The following SLC26A11 variants were observed in gnomAD, a reference collection of about 807,000 sequenced individuals.
SLC26A11 encodes the protein sodium-independent sulfate anion transporter.
SLC26A11 carries 58 observed loss-of-function variants against 62.2 expected under a neutral mutation model. The ratio of observed to expected loss-of-function variants is 0.93; its 90% CI spans 0.76 to 1.16. The LOEUF (loss-of-function observed/expected upper bound fraction) is 1.16, where lower values mean the gene tolerates loss of function less well. Among genes scored for constraint, SLC26A11 ranks in the 50% most tolerant of loss-of-function variants. SLC26A11 has a pLI of 0.00. For missense variants in SLC26A11, 790 were observed against 794.3 expected (o/e 0.99, Z 0.06); for synonymous variants, 411 against 368.9 (o/e 1.11, Z -1.31).
chr17:80,227,760 G>C, intron 6 of SLC26A11, 58 bp from the exon 7 acceptor site: 2 of 1,574,102 alleles, frequency 1.3e-6, no homozygotes, highest in Non-Finnish European at 1.7e-6. Context: ...CAGGATGCTT[G>C]AGTCAGCAGT....
chr17:80,238,678 A>G (rs1442097944), intron 9 of SLC26A11, among the ~76,000 whole-genome samples: 1 of 152,106 alleles, frequency 6.6e-6, no homozygotes, highest in Admixed American at 6.6e-5. Context: ...GTTGATTCTA[A>G]AGGTTACAGC....
chr17:80,245,822 A>G, intron 11 of SLC26A11, among the ~76,000 whole-genome samples: 1 of 152,186 alleles, frequency 6.6e-6, no homozygotes, highest in East Asian at 1.9e-4. Flanking sequence ...GGAGAGAAGG[A>G]GGCGTCACCT....
rs755589113 is a variant in SLC26A11 at position 80,241,840 on chromosome 17, G to A, written c.1036+19G>A. ...GCCATCGGTAAGACCCCAGCCGCGGGAAGGAAGACACCAGCTGTGGGCCTC... is the reference window on the plus strand; with the variant it reads ...GCCATCGGTAAGACCCCAGCCGCGGAAAGGAAGACACCAGCTGTGGGCCTC... On this transcript the variant is annotated intron_variant, in intron 10 of 17. Coordinates refer to ENST00000361193, the MANE Select transcript of SLC26A11 (RefSeq NM_001166347.2). The A allele has an allele frequency of 1.9e-6, 3 of 1,614,140 alleles. No homozygotes were observed. Among genetic ancestry groups the A allele is most frequent in the Non-Finnish European group, 2.5e-6 (3 of 1,180,002 alleles).
At position 80,248,152 on chromosome 17, in the gene SLC26A11, C is replaced by T. The variant is rs149066274; in HGVS notation, c.1317C>T (p.Cys439=). Residue 439 remains cysteine (C), a synonymous_variant, in exon 14 of 18, where the codon TGC becomes TGT. Transcript: ENST00000361193. ...TAGGGCTGGACCTGCTGCCCCTGTG[C>T]GTGACCTTCCTGCTGTGCTTCTGGG... The part of the protein sequence containing the change: ...RVKRLDLLPL[C]VTFLLCFWEV... 46 of 1,605,112 alleles carry T rather than the reference C, an allele frequency of 2.9e-5. No homozygotes were observed. The highest frequency in any genetic ancestry group is 6.7e-5 in the African/African-American group (5 of 74,922).
At chr17:80,225,694 C>G in intron 5 of SLC26A11, 143 bp from the exon 6 acceptor site, 1 of 729,666 alleles carries the variant, frequency 1.4e-6, no homozygotes, top group Non-Finnish European at 2.4e-6. Context: ...CCCCTGAGCC[C>G]CTAAGATGGG....
In SLC26A11 at chr17:80,246,383, G is replaced by A. The variant is rs1227946693; in HGVS notation, c.1154-126G>A. 13 of 1,440,890 alleles carry A rather than the reference G, an allele frequency of 9.0e-6. No individual in the cohort carries two copies. The highest frequency in any genetic ancestry group is 3.9e-5 in the South Asian group (3 of 77,034). 89.3% of individuals were successfully genotyped at this position (1,440,890 alleles called of 1,614,324 possible). A position where few individuals can be genotyped will look rare whatever the true frequency, so the allele number is the denominator to read the frequency against. The stretch of plus-strand genomic sequence containing the variant: ...ACAGGAGACTGAGCAGGGGCTGGGG[G>A]CCTTGGCAGTCGTCGCCCTACCCCC... On this transcript the variant is annotated intron_variant, in intron 12 of 17. Coordinates refer to ENST00000361193, the MANE Select transcript of SLC26A11 (RefSeq NM_001166347.2). The surrounding 1 kb of genome is among the most constrained non-coding windows in gnomAD (Gnocchi z 4.4).
intron 5 of SLC26A11, among the ~76,000 whole-genome samples, chr17:80,224,903 C>T (rs932754699): frequency 2.0e-5 from 3 of 152,048 alleles, no homozygotes; most frequent in Admixed American, 6.5e-5. Context: ...CCTACCCCAA[C>T]AGTCCCAGAG....
At chr17:80,235,331 A>G (rs1394951495) in intron 7 of SLC26A11, among the ~76,000 whole-genome samples, 1 of 151,786 alleles carries the variant, frequency 6.6e-6, no homozygotes, top group African/African-American at 2.4e-5. Flanking sequence ...ATCTTTAACT[A>G]TGTTACTTTT....
rs1327515210 is a variant in SLC26A11 at position 80,248,643 on chromosome 17, G to A, written c.1491G>A (p.Leu497=). ...SGLSFPAMEA[L]REEILSRALE... ...TGTCCTTCCCTGCCATGGAGGCTCT[G>A]CGGGAGGAGATCCTAAGCCGGGCCC... Residue 497 remains leucine, a synonymous_variant, in exon 15 of 18, where the codon CTG becomes CTA. Coordinates refer to ENST00000361193, the MANE Select transcript of SLC26A11 (RefSeq NM_001166347.2). 4 of 1,582,524 alleles carry A rather than the reference G, an allele frequency of 2.5e-6. No individual in the cohort carries two copies. The highest frequency in any genetic ancestry group is 2.6e-6 in the Non-Finnish European group (3 of 1,164,330).
chr17:80,230,459 GA>G (rs1306079581), intron 7 of SLC26A11, among the ~76,000 whole-genome samples: 1 of 152,116 alleles, frequency 6.6e-6, no homozygotes, highest in Non-Finnish European at 1.5e-5. Flanking sequence ...AGCCTTTATC[GA>G]GATTTTCTTG....
chr17:80,223,334 C>T lies in SLC26A11; in HGVS notation c.510C>T (p.Ile170=). The T allele has an allele frequency of 6.2e-7, 1 of 1,613,912 alleles. No individual in the cohort carries two copies. Among genetic ancestry groups the T allele is most frequent in the Non-Finnish European group, 8.5e-7 (1 of 1,179,980 alleles). Reference sequence around the variant, plus strand: ...CCGTCACCATCGGCTTTGGACAGATCAAGGTAGGCACGGCGCCCACCCAGG... The same window carrying T: ...CCGTCACCATCGGCTTTGGACAGATTAAGGTAGGCACGGCGCCCACCCAGG... ...AAAVTIGFGQ[I]KNLLGLQNIP... is the part of the protein sequence containing the mutation. Residue 170 remains isoleucine, a synonymous_variant, in exon 5 of 18, where the codon ATC becomes ATT. Coordinates refer to ENST00000361193, the MANE Select transcript of SLC26A11 (RefSeq NM_001166347.2). The surrounding 1 kb of genome is among the most constrained non-coding windows in gnomAD (Gnocchi z 4.6).
chr17:80,248,179 G>A lies in SLC26A11; in HGVS notation c.1344G>A (p.Glu448=), dbSNP rs752202065. The change falls in exon 14 of 18, where the codon GAG becomes GAA. Residue 448 remains glutamate (E), a synonymous_variant. Transcript: ENST00000361193. ...LCVTFLLCFW[E]VQYGILAGAL... The stretch of plus-strand genomic sequence containing the variant: ...TGACCTTCCTGCTGTGCTTCTGGGA[G>A]GTGCAGTACGGCATCCTGGCCGGGG... 2.0e-5 allele frequency: 32 copies of A among 1,608,164 alleles called. No individual in the cohort carries two copies. Among genetic ancestry groups the A allele is most frequent in the Non-Finnish European group, 2.6e-5 (31 of 1,179,848 alleles).
chr17:80,233,730 C>T (rs1040770201), intron 7 of SLC26A11, among the ~76,000 whole-genome samples: 10 of 152,036 alleles, frequency 6.6e-5, no homozygotes, highest in South Asian at 2.1e-4. Flanking sequence ...TGCATCACCA[C>T]GCCTGGATAA....
In SLC26A11 at chr17:80,246,480, G is replaced by C; in HGVS notation, c.1154-29G>C. On this transcript the variant is annotated intron_variant, in intron 12 of 17. Transcript: ENST00000361193. The surrounding 1 kb of genome is among the most constrained non-coding windows in gnomAD (Gnocchi z 4.4). ...CGTGCTGGGGGGACCCTGCACTCCC[G>C]AGGTCACCTGTGTTCCCGTGCCCCG... The C allele has an allele frequency of 6.2e-7, 1 of 1,605,558 alleles. No individual in the cohort carries two copies.
At position 80,227,802 on chromosome 17, in the gene SLC26A11, C is replaced by T. The variant is rs375082005; in HGVS notation, c.594-16C>T. On this transcript the variant is annotated splice_polypyrimidine_tract_variant and intron_variant, in intron 6 of 17. Transcript: ENST00000361193. ...GGGCCGAGCTGGGTGGTGACCAGTC[C>T]TCTGCCTGTCCACAGGGTAGGTGAC... 3.7e-6 allele frequency: 6 copies of T among 1,603,306 alleles called. No homozygotes were observed. Among genetic ancestry groups the T allele is most frequent in the Non-Finnish European group, 2.5e-6 (3 of 1,179,682 alleles).
intron 13 of SLC26A11, among the ~76,000 whole-genome samples, 196 bp from the exon 14 acceptor site, chr17:80,247,934 G>A (rs2043051538): frequency 6.6e-6 from 1 of 152,228 alleles, no homozygotes; most frequent in Admixed American, 6.5e-5. Context: ...AGCTCAGATG[G>A]GGAGGGCATT....
chr17:80,225,364 C>T (rs1211608447), intron 5 of SLC26A11, among the ~76,000 whole-genome samples: 1 of 152,184 alleles, frequency 6.6e-6, no homozygotes, highest in Non-Finnish European at 1.5e-5. Flanking sequence ...GATTTTTCCT[C>T]CCGCAGCAGC....
intron 1 of SLC26A11, 59 bp downstream of exon 1, chr17:80,220,555 T>G: frequency 1.2e-3 from 378 of 319,406 alleles, no homozygotes; most frequent in East Asian, 2.0e-3. Flanking sequence ...GAGCGGACAG[T>G]GGCCGGGGTC....
At chr17:80,237,183 TGGGTGCCA>T in intron 8 of SLC26A11, 80 bp downstream of exon 8, 1 of 1,504,008 alleles carries the variant, frequency 6.6e-7, no homozygotes, top group Non-Finnish European at 9.0e-7. Flanking sequence ...ATGTATCTGC[TGGGTGCCA>T]GGGGGTCTGA....
Sources: gnomAD v4.1 joint callset for allele counts (sites outside exome capture counted in the v4.1 genomes callset) on GRCh38, gnomAD v4.1.1 for gene constraint, Gnocchi (gnomAD v3.1) non-coding constraint, MANE v1.5 for transcripts, NCBI Gene and HGNC (gene_info 2026-07-23, HGNC 2026-07-21) for gene names.